Variants in EXOC6B observed in about 807,000 individuals in gnomAD.
EXOC6B encodes the protein SEC15 homolog B.
Under a neutral mutation model 113.5 loss-of-function variants are expected in EXOC6B, and 54 were observed. That is an observed-to-expected ratio of 0.48 (90% CI 0.38 to 0.60). EXOC6B has a LOEUF of 0.60. EXOC6B is among the 20% of genes least tolerant of loss of function. The pLI, the probability that EXOC6B is intolerant of heterozygous loss-of-function variation, is 0.00. For missense variants in EXOC6B, 797 were observed against 977.5 expected (o/e 0.82, Z 2.46); for synonymous variants, 357 against 339.0 (o/e 1.05, Z -0.58).
At chr2:72,203,154 C>T (rs1679597383) in intron 20 of EXOC6B, among the ~76,000 whole-genome samples, 1 of 152,196 alleles carries the variant, frequency 6.6e-6, no homozygotes, top group African/African-American at 2.4e-5. Context: ...CCTGCCTTCA[C>T]TTCTTCACAC....
intron 6 of EXOC6B, among the ~76,000 whole-genome samples, chr2:72,647,885 C>G (rs902757975): frequency 1.3e-5 from 2 of 152,138 alleles, no homozygotes; most frequent in African/African-American, 2.4e-5. Context: ...GACTTCATGA[C>G]TAAAACACCA....
At chr2:72,211,924 T>C (rs1040598487) in intron 20 of EXOC6B, among the ~76,000 whole-genome samples, 27 of 152,316 alleles carry the variant, frequency 1.8e-4, no homozygotes, top group African/African-American at 6.5e-4. Flanking sequence ...TGGTGGACTT[T>C]TTCCAAACCA....
At chr2:72,546,416 T>C (rs147570863) in intron 8 of EXOC6B, among the ~76,000 whole-genome samples, 113 of 152,162 alleles carry the variant, frequency 7.4e-4, no homozygotes, top group African/African-American at 2.6e-3. Flanking sequence ...CACTCCAGCC[T>C]GGGCGACAGA....
intron 12 of EXOC6B, among the ~76,000 whole-genome samples, 191 bp downstream of exon 12, chr2:72,499,710 T>G (rs1700225577): frequency 6.6e-6 from 1 of 151,978 alleles, no homozygotes; most frequent in Admixed American, 6.6e-5. Flanking sequence ...ATGTTTTTAT[T>G]TTTTGTATAG....
At chr2:72,799,494 C>A (rs1157998745) in intron 1 of EXOC6B, among the ~76,000 whole-genome samples, 7 of 151,652 alleles carry the variant, frequency 4.6e-5, no homozygotes. Flanking sequence ...CAGTTGAGCC[C>A]AGGAGGCCGA....
intron 5 of EXOC6B, among the ~76,000 whole-genome samples, chr2:72,722,741 C>T (rs1331051627): frequency 2.0e-5 from 3 of 152,028 alleles, no homozygotes; most frequent in Admixed American, 6.6e-5. Flanking sequence ...AACTTTAGAA[C>T]GGATAGAAAG....
chr2:72,210,297 G>C (rs1680107805), intron 20 of EXOC6B, among the ~76,000 whole-genome samples: 1 of 152,206 alleles, frequency 6.6e-6, no homozygotes, highest in African/African-American at 2.4e-5. Context: ...TAAGGAGCCA[G>C]ATCCACATAT....
chr2:72,631,104 T>C (rs760615195), intron 6 of EXOC6B, among the ~76,000 whole-genome samples: 5 of 152,118 alleles, frequency 3.3e-5, no homozygotes, highest in Non-Finnish European at 7.4e-5. Flanking sequence ...AATGACAATG[T>C]GTGAACAGGC....
intron 20 of EXOC6B, among the ~76,000 whole-genome samples, chr2:72,240,435 AAAT>A (rs1187445354): frequency 6.6e-6 from 1 of 152,234 alleles, no homozygotes; most frequent in African/African-American, 2.4e-5. Flanking sequence ...ACGGAAAAAA[AAAT>A]AATAAAGCAA....
chr2:72,398,592 G>T (rs1207960021), intron 18 of EXOC6B, among the ~76,000 whole-genome samples: 1 of 151,774 alleles, frequency 6.6e-6, no homozygotes, highest in African/African-American at 2.4e-5. Context: ...AGCTACTTAG[G>T]TGGCTGCAGC....
At chr2:72,706,497 A>G (rs1033235594) in intron 6 of EXOC6B, among the ~76,000 whole-genome samples, 2 of 152,104 alleles carry the variant, frequency 1.3e-5, no homozygotes, top group Non-Finnish European at 2.9e-5. Flanking sequence ...TCAGCCTTCC[A>G]AGTAGCTGGG....
chr2:72,184,248 C>A, intron 20 of EXOC6B, 61 bp from the exon 21 acceptor site: 1 of 814,478 alleles, frequency 1.2e-6, no homozygotes, highest in South Asian at 1.7e-5. Context: ...AACCAAGATT[C>A]CAGAAACTTC....
At chr2:72,561,006 G>A (rs1703857334) in intron 7 of EXOC6B, among the ~76,000 whole-genome samples, 1 of 151,952 alleles carries the variant, frequency 6.6e-6, no homozygotes, top group African/African-American at 2.4e-5. Context: ...AACACAAAGA[G>A]TCCACAGGTG....
chr2:72,417,257 G>A (rs750714832), intron 18 of EXOC6B, among the ~76,000 whole-genome samples: 2 of 152,010 alleles, frequency 1.3e-5, no homozygotes, highest in African/African-American at 2.4e-5. Context: ...GCAATGGCGC[G>A]ACCTCTTCTC....
At chr2:72,654,685 G>C (rs1463477725) in intron 6 of EXOC6B, among the ~76,000 whole-genome samples, 1 of 152,160 alleles carries the variant, frequency 6.6e-6, no homozygotes, top group Non-Finnish European at 1.5e-5. Context: ...CTTTATGCCA[G>C]AGCTATTGTA....
At chr2:72,507,208 T>G (rs1214231970) in intron 11 of EXOC6B, among the ~76,000 whole-genome samples, 1 of 152,102 alleles carries the variant, frequency 6.6e-6, no homozygotes, top group Non-Finnish European at 1.5e-5. Flanking sequence ...CAGAGTGTTT[T>G]TGAGATTTGA....
At chr2:72,623,832 A>G (rs1671890061) in intron 6 of EXOC6B, among the ~76,000 whole-genome samples, 1 of 152,162 alleles carries the variant, frequency 6.6e-6, no homozygotes, top group Non-Finnish European at 1.5e-5. Flanking sequence ...GAAAGTAAGT[A>G]CTTCTATTCC....
At chr2:72,239,616 T>C in intron 20 of EXOC6B, among the ~76,000 whole-genome samples, 1 of 152,226 alleles carries the variant, frequency 6.6e-6, no homozygotes, top group East Asian at 1.9e-4. Flanking sequence ...GAAGTGTGAA[T>C]CTTCCAACTT....
At chr2:72,316,277 A>G (rs1018128761) in intron 20 of EXOC6B, among the ~76,000 whole-genome samples, 2 of 152,192 alleles carry the variant, frequency 1.3e-5, no homozygotes, top group Non-Finnish European at 2.9e-5. Context: ...TGAAGCAGTA[A>G]GAGTGATTTA....
Sources: allele counts gnomAD v4.1 joint callset (sites outside exome capture counted in the v4.1 genomes callset), GRCh38; gene constraint gnomAD v4.1.1; transcripts MANE v1.5; gene names NCBI Gene and HGNC (gene_info 2026-07-23, HGNC 2026-07-21).